CORO2B: variants seen among roughly 807,000 people sequenced by gnomAD.
CORO2B encodes the protein coronin-2B.
A neutral mutation model predicts 58.8 loss-of-function variants in CORO2B; 26 were observed. That is an observed-to-expected ratio of 0.44 (90% CI 0.32 to 0.61). The LOEUF (loss-of-function observed/expected upper bound fraction) is 0.61. Ranked by LOEUF, CORO2B falls within the 20% of genes least tolerant of loss-of-function variation. The pLI is 0.04. For synonymous variants in CORO2B, 242 were observed against 253.8 expected (o/e 0.95, Z 0.44); for missense variants, 460 against 645.1 (o/e 0.71, Z 3.11).
chr15:68,663,400 C>T (rs1032455127), intron 2 of CORO2B, among the ~76,000 whole-genome samples: 3 of 152,132 alleles, frequency 2.0e-5, no homozygotes, highest in Non-Finnish European at 2.9e-5. Flanking sequence ...CATGCAGGTA[C>T]GTCTGTAGAA....
chr15:68,574,556 C>T (rs1309453614), upstream of CORO2B, among the ~76,000 whole-genome samples: 1 of 152,142 alleles, frequency 6.6e-6, no homozygotes, highest in East Asian at 1.9e-4. Flanking sequence ...GAGCCTCACA[C>T]CGAGAGGTCC....
chr15:68,531,521 AAGGAAGGAAGGAAGGAAGG>A, the CORO2B span, among the ~76,000 whole-genome samples: 1 of 38,928 alleles, frequency 2.6e-5, no homozygotes, highest in Non-Finnish European at 7.6e-5. Flanking sequence ...GGAAGGAAGG[AAGGAAGGAAGGAAGGAAGG>A]AAGGAAGGAA....
At chr15:68,545,262 G>A in the CORO2B span, among the ~76,000 whole-genome samples, 1 of 152,206 alleles carries the variant, frequency 6.6e-6, no homozygotes, top group East Asian at 1.9e-4. Context: ...TTTTCAGTGT[G>A]GGTGTTTAAT....
chr15:68,700,985 C>T (rs754164634), intron 3 of CORO2B, among the ~76,000 whole-genome samples: 7 of 152,276 alleles, frequency 4.6e-5, no homozygotes, highest in Non-Finnish European at 8.8e-5. Context: ...GATGCCCCTC[C>T]CTGAGGAGCT....
intron 1 of CORO2B, among the ~76,000 whole-genome samples, chr15:68,600,955 G>C (rs1263205976): frequency 4.6e-5 from 7 of 152,168 alleles, no homozygotes; most frequent in African/African-American, 1.7e-4. Context: ...TGACCGGAGA[G>C]AGAGGAATGA....
At chr15:68,624,195 A>G (rs968142559) in intron 1 of CORO2B, among the ~76,000 whole-genome samples, 1 of 152,102 alleles carries the variant, frequency 6.6e-6, no homozygotes, top group Non-Finnish European at 1.5e-5. Flanking sequence ...TAGAGGCACC[A>G]CTCTACCAAT....
the CORO2B span, among the ~76,000 whole-genome samples, chr15:68,530,256 C>T: frequency 6.6e-5 from 10 of 152,192 alleles, no homozygotes; most frequent in South Asian, 1.0e-3. Context: ...AACCGGGAGG[C>T]GGAGCTTGCA....
the CORO2B span, among the ~76,000 whole-genome samples, chr15:68,554,125 G>C: frequency 3.3e-5 from 5 of 152,168 alleles, no homozygotes; most frequent in Non-Finnish European, 5.9e-5. Flanking sequence ...AGGTGGGCTT[G>C]TCGGGCCCTG....
At chr15:68,724,014 C>A (rs1893232484) in intron 11 of CORO2B, among the ~76,000 whole-genome samples, 1 of 151,698 alleles carries the variant, frequency 6.6e-6, no homozygotes, top group Non-Finnish European at 1.5e-5. Context: ...CCAGCCTGGC[C>A]AACATGGTGA....
chr15:68,571,304 T>C, the CORO2B span, among the ~76,000 whole-genome samples: 1 of 152,174 alleles, frequency 6.6e-6, no homozygotes, highest in African/African-American at 2.4e-5. Flanking sequence ...GTAGGGGACA[T>C]AGGGAACTGC....
chr15:68,660,936 A>C (rs1036666516), intron 2 of CORO2B, among the ~76,000 whole-genome samples: 5 of 149,964 alleles, frequency 3.3e-5, no homozygotes, highest in Admixed American at 2.0e-4. Flanking sequence ...TAGTGTTGAC[A>C]ATCTTTTCCA....
chr15:68,577,013 G>T (rs1463599799), upstream of CORO2B, among the ~76,000 whole-genome samples: 1 of 152,136 alleles, frequency 6.6e-6, no homozygotes, highest in East Asian at 1.9e-4. Context: ...GAGGTGGGAT[G>T]CGTTTGAGTT....
the CORO2B span, among the ~76,000 whole-genome samples, chr15:68,572,246 C>T: frequency 6.6e-6 from 1 of 152,228 alleles, no homozygotes; most frequent in Non-Finnish European, 1.5e-5. Flanking sequence ...TGCAGGAAGT[C>T]CAGGATGGTC....
chr15:68,673,937 TAAAAG>T (rs1902488666), intron 2 of CORO2B, among the ~76,000 whole-genome samples: 1 of 147,200 alleles, frequency 6.8e-6, no homozygotes, highest in African/African-American at 2.5e-5. Context: ...AGCTGACAAA[TAAAAG>T]AAGGGTTGAC....
chr15:68,620,639 T>G (rs59594144), intron 1 of CORO2B, among the ~76,000 whole-genome samples: 3,853 of 152,308 alleles, frequency 0.025, 154 homozygotes, highest in African/African-American at 0.084. Context: ...CCAAAGTGCC[T>G]TCTCTGTTTT....
chr15:68,589,633 G>T (rs1899650084), intron 1 of CORO2B, among the ~76,000 whole-genome samples: 1 of 152,252 alleles, frequency 6.6e-6, no homozygotes, highest in African/African-American at 2.4e-5. Flanking sequence ...TGCTCAGGTT[G>T]GGTTTTCCAA....
intron 11 of CORO2B, among the ~76,000 whole-genome samples, chr15:68,720,383 C>T (rs937100): frequency 0.87 from 132,560 of 152,232 alleles, 59,154 homozygotes; most frequent in Non-Finnish European, 0.96. Flanking sequence ...GTATTAGCTA[C>T]CTACTGCTGT....
At chr15:68,655,947 G>T (rs185209947) in intron 2 of CORO2B, among the ~76,000 whole-genome samples, 1 of 152,298 alleles carries the variant, frequency 6.6e-6, no homozygotes, top group Admixed American at 6.5e-5. Flanking sequence ...AGGTTGCCTG[G>T]CTTGAAACAG....
Position 68,726,108 on chromosome 15 carries a change from C to A in CORO2B, c.*134C>A. The A allele has an allele frequency of 2.5e-6, 3 of 1,193,348 alleles. No homozygotes were observed. Among genetic ancestry groups the A allele is most frequent in the South Asian group, 2.8e-5 (2 of 72,474 alleles). 73.9% of individuals were successfully genotyped at this position (1,193,348 alleles called of 1,614,324 possible). On this transcript the variant is annotated 3_prime_UTR_variant, in exon 12 of 12. Coordinates refer to ENST00000261861, the MANE Select transcript of CORO2B (RefSeq NM_006091.5). Reference sequence around the variant, plus strand: ...CCAGCCTGAGGACCCCCGCCTACCACCTCGAGAACTGGAAGCCAACCTCTA... The same window carrying A: ...CCAGCCTGAGGACCCCCGCCTACCAACTCGAGAACTGGAAGCCAACCTCTA...
Sources: gnomAD v4.1 joint callset for allele counts (sites outside exome capture counted in the v4.1 genomes callset) on GRCh38, gnomAD v4.1.1 for gene constraint, MANE v1.5 for transcripts, NCBI Gene and HGNC (gene_info 2026-07-23, HGNC 2026-07-21) for gene names.